Variants in GUCY1A2 observed in about 807,000 individuals in gnomAD.
The protein encoded by GUCY1A2 is guanylate cyclase soluble subunit alpha-2.
Under a neutral mutation model 63.5 loss-of-function variants are expected in GUCY1A2, and 27 were observed. That is an observed-to-expected ratio of 0.43 (90% confidence interval 0.31 to 0.59). GUCY1A2 has a LOEUF of 0.59. GUCY1A2 is among the 20% of genes least tolerant of loss of function. The pLI is 0.11. For synonymous variants in GUCY1A2, 364 were observed against 343.5 expected (o/e 1.06, Z -0.66); for missense variants, 768 against 913.3 (o/e 0.84, Z 2.05).
At chr11:106,993,511 AC>A (rs1861496904) in intron 1 of GUCY1A2, among the ~76,000 whole-genome samples, 1 of 151,374 alleles carries the variant, frequency 6.6e-6, no homozygotes, top group South Asian at 2.1e-4. Flanking sequence ...GACTAAACTT[AC>A]TACATATAAG....
intron 6 of GUCY1A2, among the ~76,000 whole-genome samples, chr11:106,769,280 C>G (rs541992609): frequency 6.6e-6 from 1 of 152,072 alleles, no homozygotes; most frequent in South Asian, 2.1e-4. Context: ...ATGATTTATT[C>G]AAGAAAATAA....
chr11:106,911,445 C>T (rs1042931409), intron 4 of GUCY1A2, among the ~76,000 whole-genome samples: 5 of 152,038 alleles, frequency 3.3e-5, no homozygotes, highest in Non-Finnish European at 5.9e-5. Context: ...CCTTCTTCCC[C>T]GCTTCTTCCT....
In GUCY1A2 at chr11:106,934,825, C is replaced by G. The variant is rs541040037; in HGVS notation, c.1206+4635G>C. On this transcript the variant is annotated intron_variant, in intron 4 of 7. Transcript: ENST00000526355. ...TTCCAAGGTGCTATTAAAGTTCTCTCAAGTGATGCTACTAAAAAAAAATGT... is the reference window on the plus strand; with the variant it reads ...TTCCAAGGTGCTATTAAAGTTCTCTGAAGTGATGCTACTAAAAAAAAATGT... 7.9e-5 allele frequency among the ~76,000 whole-genome samples: 12 copies of G among 152,212 alleles called. 1 individual carries two copies. The South Asian group carries it at 2.5e-3, about 32-fold the overall frequency.
chr11:106,701,599 T>C (rs959211340), intron 7 of GUCY1A2, among the ~76,000 whole-genome samples: 1 of 148,466 alleles, frequency 6.7e-6, no homozygotes, highest in Non-Finnish European at 1.5e-5. Context: ...AAGTAGAGAG[T>C]AGAATTGTGG....
chr11:106,714,621 A>C (rs568161093), intron 6 of GUCY1A2, among the ~76,000 whole-genome samples: 1 of 152,206 alleles, frequency 6.6e-6, no homozygotes, highest in Non-Finnish European at 1.5e-5. Flanking sequence ...ATTTGCATCC[A>C]TCTGGCCAGT....
intron 6 of GUCY1A2, among the ~76,000 whole-genome samples, chr11:106,724,616 G>C (rs1167799358): frequency 1.3e-5 from 2 of 152,182 alleles, no homozygotes; most frequent in Admixed American, 6.5e-5. Flanking sequence ...CATGGTTTAA[G>C]AGTCTTGGAT....
At chr11:106,896,728 A>G (rs1860054835) in intron 4 of GUCY1A2, among the ~76,000 whole-genome samples, 1 of 152,196 alleles carries the variant, frequency 6.6e-6, no homozygotes. Flanking sequence ...GAAGCACCAT[A>G]CTGAAAGCAG....
chr11:106,939,372 T>C, intron 4 of GUCY1A2, 88 bp downstream of exon 4: 1 of 723,504 alleles, frequency 1.4e-6, no homozygotes, highest in East Asian at 2.5e-5. Flanking sequence ...CTTGCCTAAA[T>C]AATTACAAGT....
intron 4 of GUCY1A2, among the ~76,000 whole-genome samples, chr11:106,922,366 C>T (rs1333520350): frequency 6.6e-6 from 1 of 151,774 alleles, no homozygotes; most frequent in Non-Finnish European, 1.5e-5. Context: ...AGGCACTGTA[C>T]TGGGTGCTAA....
At chr11:106,996,976 G>A (rs969174855) in intron 1 of GUCY1A2, among the ~76,000 whole-genome samples, 3 of 152,136 alleles carry the variant, frequency 2.0e-5, no homozygotes, top group Non-Finnish European at 4.4e-5. Flanking sequence ...AGATTCCTAA[G>A]TTAGAGATAC....
At chr11:106,766,776 C>T (rs545165622) in intron 6 of GUCY1A2, among the ~76,000 whole-genome samples, 78 of 151,942 alleles carry the variant, frequency 5.1e-4, no homozygotes, top group African/African-American at 1.7e-3. Flanking sequence ...CTCATGTTGG[C>T]CTATATGCAT....
intron 4 of GUCY1A2, chr11:106,936,686 C>G (rs376339161): frequency 6.5e-7 from 1 of 1,531,674 alleles, no homozygotes; most frequent in East Asian, 2.4e-5. Context: ...ATAACTGCGT[C>G]AGATGCCCCT....
rs544767240 is a variant in GUCY1A2, at chr11:106,681,101, C to T, written c.*6448G>A. The stretch of plus-strand genomic sequence containing the variant: ...GACTAAAAACATGATTTTTTCATTT[C>T]GAAATCTGAAAGCTTTAGTGTTTTT... On this transcript the variant is annotated 3_prime_UTR_variant, in exon 8 of 8. Coordinates refer to ENST00000526355, the MANE Select transcript of GUCY1A2 (RefSeq NM_000855.3). 1.6e-4 allele frequency: 34 copies of T among 209,012 alleles called. No homozygotes were observed. Among genetic ancestry groups the T allele is most frequent in the Non-Finnish European group, 2.3e-4 (24 of 102,628 alleles). 12.9% of individuals were successfully genotyped at this position (209,012 alleles called of 1,614,324 possible).
intron 6 of GUCY1A2, among the ~76,000 whole-genome samples, chr11:106,712,114 C>T (rs1863131048): frequency 6.6e-6 from 1 of 151,534 alleles, no homozygotes; most frequent in Admixed American, 6.6e-5. Context: ...ATATTTTTTT[C>T]TGTCTACCTC....
chr11:106,815,758 G>T (rs1441824473), intron 4 of GUCY1A2, among the ~76,000 whole-genome samples: 1 of 151,668 alleles, frequency 6.6e-6, no homozygotes, highest in Non-Finnish European at 1.5e-5. Context: ...AAGGCAGAGG[G>T]AGACCACACA....
At chr11:106,751,989 G>A (rs1863889340) in intron 6 of GUCY1A2, among the ~76,000 whole-genome samples, 1 of 152,104 alleles carries the variant, frequency 6.6e-6, no homozygotes, top group Non-Finnish European at 1.5e-5. Flanking sequence ...GTCCCAAACA[G>A]GAAAGTTCTC....
At chr11:106,905,459 C>A (rs919454352) in intron 4 of GUCY1A2, among the ~76,000 whole-genome samples, 3 of 152,092 alleles carry the variant, frequency 2.0e-5, no homozygotes, top group East Asian at 1.9e-4. Flanking sequence ...AACATTATGA[C>A]CTCATTTAAC....
chr11:106,816,186 A>C (rs2135427550), intron 4 of GUCY1A2, among the ~76,000 whole-genome samples: 1 of 151,214 alleles, frequency 6.6e-6, no homozygotes, highest in Admixed American at 6.6e-5. Context: ...AAAAAAAAAA[A>C]AAACCCAAGG....
intron 7 of GUCY1A2, among the ~76,000 whole-genome samples, chr11:106,694,025 G>A (rs1452952836): frequency 6.6e-6 from 1 of 152,176 alleles, no homozygotes; most frequent in African/African-American, 2.4e-5. Context: ...ATGGTTAGAA[G>A]TTTTGTGTGT....
Sources: allele counts gnomAD v4.1 joint callset (sites outside exome capture counted in the v4.1 genomes callset), GRCh38; gene constraint gnomAD v4.1.1; transcripts MANE v1.5; gene names NCBI Gene and HGNC (gene_info 2026-07-23, HGNC 2026-07-21).